Variants in FALEC observed in about 807,000 individuals in gnomAD.
FALEC encodes the protein focally amplified lncRNA on chromosome 1.
At chr1:150,521,445 C>G (rs1278664286), downstream of FALEC, among the ~76,000 whole-genome samples, 1 of 152,184 alleles carries the variant, frequency 6.6e-6, no homozygotes, top group African/African-American at 2.4e-5. Flanking sequence ...ATGGGTTTAA[C>G]TTGCATTTCT....
the FALEC span, among the ~76,000 whole-genome samples, chr1:150,526,033 G>C: frequency 2.0e-5 from 3 of 152,132 alleles, no homozygotes; most frequent in Admixed American, 6.6e-5. Flanking sequence ...GTTCATTCAT[G>C]TTCAGCATGC....
At chr1:150,535,458 G>A in the FALEC span, among the ~76,000 whole-genome samples, 1 of 152,206 alleles carries the variant, frequency 6.6e-6, no homozygotes, top group Non-Finnish European at 1.5e-5. Flanking sequence ...TGGTCAGGCT[G>A]ATCTCGAACT....
the FALEC span, among the ~76,000 whole-genome samples, chr1:150,526,886 G>T: frequency 6.6e-6 from 1 of 150,934 alleles, no homozygotes; most frequent in Non-Finnish European, 1.5e-5. Flanking sequence ...CACCAGCCTC[G>T]GCCTCCCAAA....
At chr1:150,527,815 A>G in the FALEC span, among the ~76,000 whole-genome samples, 1 of 151,978 alleles carries the variant, frequency 6.6e-6, no homozygotes, top group South Asian at 2.1e-4. Context: ...GCACCACTCC[A>G]CTCCAACCTG....
At chr1:150,529,529 T>TA in the FALEC span, among the ~76,000 whole-genome samples, 1 of 152,138 alleles carries the variant, frequency 6.6e-6, no homozygotes, top group Non-Finnish European at 1.5e-5. Flanking sequence ...GCTGAAGCAT[T>TA]TACCCCAAAC....
chr1:150,518,324 G>A (rs587605062), downstream of FALEC, among the ~76,000 whole-genome samples: 1 of 151,642 alleles, frequency 6.6e-6, no homozygotes, highest in African/African-American at 2.4e-5. Context: ...TTAGGCCTGG[G>A]AATATCATTC....
the FALEC span, among the ~76,000 whole-genome samples, chr1:150,527,536 G>A: frequency 6.6e-6 from 1 of 152,202 alleles, no homozygotes; most frequent in Non-Finnish European, 1.5e-5. Context: ...TGGGATTACA[G>A]GTGTGGGCCA....
At chr1:150,534,164 A>G in the FALEC span, among the ~76,000 whole-genome samples, 2 of 152,178 alleles carry the variant, frequency 1.3e-5, no homozygotes, top group Non-Finnish European at 2.9e-5. Context: ...CTGTGCTCAC[A>G]TGCCTCAACT....
the FALEC span, among the ~76,000 whole-genome samples, chr1:150,524,950 A>G: frequency 6.7e-6 from 1 of 149,128 alleles, no homozygotes; most frequent in African/African-American, 2.5e-5. Context: ...AGCCATGATC[A>G]CACCACTGCA....
chr1:150,522,135 T>C (rs1055485012), downstream of FALEC, among the ~76,000 whole-genome samples: 2 of 151,488 alleles, frequency 1.3e-5, no homozygotes, highest in Non-Finnish European at 2.9e-5. Flanking sequence ...TAATCCCAGC[T>C]ACTCTGGAGG....
chr1:150,525,932 A>G, the FALEC span, among the ~76,000 whole-genome samples: 2 of 152,212 alleles, frequency 1.3e-5, no homozygotes, highest in African/African-American at 2.4e-5. Context: ...GTCAGCAACC[A>G]TGCCCAGCCA....
exon 2 of FALEC, chr1:150,517,953 G>A (rs1423482183): frequency 6.6e-6 from 1 of 152,174 alleles, no homozygotes; most frequent in South Asian, 2.1e-4. Flanking sequence ...TGAAGAAAAG[G>A]AGGCAGCACT....
At chr1:150,524,995 GAAAAAAA>G in the FALEC span, among the ~76,000 whole-genome samples, 2 of 98,334 alleles carry the variant, frequency 2.0e-5, no homozygotes, top group Non-Finnish European at 4.0e-5. Flanking sequence ...ACCCTGTCTT[GAAAAAAA>G]AAAAAAAAAA....
downstream of FALEC, among the ~76,000 whole-genome samples, chr1:150,522,904 CATATATATACATAT>C (rs1670668613): frequency 1.4e-5 from 1 of 72,102 alleles, no homozygotes; most frequent in African/African-American, 7.1e-5. Context: ...TATATATATA[CATATATATACATAT>C]ATATATACAT....
chr1:150,518,630 C>T (rs1670601679), downstream of FALEC, among the ~76,000 whole-genome samples: 1 of 151,724 alleles, frequency 6.6e-6, no homozygotes, highest in Non-Finnish European at 1.5e-5. Flanking sequence ...TCAGGTGATC[C>T]GCCTGCCTCA....
the FALEC span, among the ~76,000 whole-genome samples, chr1:150,531,146 T>A: frequency 6.6e-6 from 1 of 152,210 alleles, no homozygotes; most frequent in Non-Finnish European, 1.5e-5. Flanking sequence ...AAATGACTGA[T>A]CTGTACACTA....
chr1:150,522,905 A>G (rs866246100), downstream of FALEC, among the ~76,000 whole-genome samples: 24 of 79,178 alleles, frequency 3.0e-4, 2 homozygotes, highest in South Asian at 5.6e-4. Flanking sequence ...ATATATATAC[A>G]TATATATACA....
intron 1 of FALEC, among the ~76,000 whole-genome samples, chr1:150,516,597 C>G (rs587701406): frequency 6.6e-6 from 1 of 152,180 alleles, no homozygotes; most frequent in South Asian, 2.1e-4. Context: ...AAAAGGTGAA[C>G]GTGTTAACAT....
chr1:150,529,810 G>T, the FALEC span, among the ~76,000 whole-genome samples: 6 of 152,080 alleles, frequency 3.9e-5, no homozygotes, highest in Non-Finnish European at 7.4e-5. Flanking sequence ...TGTTGGCCAG[G>T]ATGGTCTCGA....
Sources: gnomAD v4.1 joint callset for allele counts (sites outside exome capture counted in the v4.1 genomes callset) on GRCh38, gnomAD v4.1.1 for gene constraint, MANE v1.5 for transcripts, NCBI Gene and HGNC (gene_info 2026-07-23, HGNC 2026-07-21) for gene names.